TANC1: variants seen among roughly 807,000 people sequenced by gnomAD.
TANC1 encodes protein TANC1.
A neutral mutation model predicts 149.7 loss-of-function variants in TANC1; 77 were observed. The observed-to-expected ratio is 0.51, with a 90% CI of 0.43 to 0.62. The LOEUF is 0.62. TANC1 is among the 20% of genes least tolerant of loss of function. TANC1 has a pLI of 0.00. For synonymous variants in TANC1, 854 were observed against 925.0 expected (o/e 0.92, Z 1.39); for missense variants, 1,985 against 2,321.8 (o/e 0.85, Z 2.98).
At position 159,224,264 on chromosome 2, in the gene TANC1, C is replaced by G. The variant is rs201062715; in HGVS notation, c.3711C>G (p.Ile1237Met). Residue 1237 changes from isoleucine (I) to methionine (M), a missense_variant, in exon 23 of 27, where the codon ATC becomes ATG. Physicochemically the swap from Ile to Met is conservative, Grantham distance 10. Around this residue, in one of 3 missense-constraint regions of TANC1, gnomAD observed 920 missense variants for 994.7 expected, o/e 0.92. Coordinates refer to ENST00000263635, the MANE Select transcript of TANC1 (RefSeq NM_033394.3). ...VLYLVEKGAV[I>M]EHVDHSGMRP... The stretch of plus-strand genomic sequence containing the variant: ...ACCTGGTGGAGAAGGGAGCCGTGAT[C>G]GAGCATGTGGACCACAGCGGGATGC... 1 of 1,614,174 alleles carries G rather than the reference C, an allele frequency of 6.2e-7. No homozygotes were observed. Among genetic ancestry groups the G allele is most frequent in the African/African-American group, 1.3e-5 (1 of 75,038 alleles).
At chr2:159,105,385 C>T (rs556542330) in intron 4 of TANC1, among the ~76,000 whole-genome samples, 26 of 152,220 alleles carry the variant, frequency 1.7e-4, no homozygotes, top group Non-Finnish European at 3.1e-4. Context: ...ATACATATAA[C>T]AAAATTGACC....
chr2:159,081,361 G>T (rs1574522897), intron 3 of TANC1, among the ~76,000 whole-genome samples: 2 of 151,948 alleles, frequency 1.3e-5, no homozygotes, highest in African/African-American at 4.8e-5. Context: ...AGAAGTGCTG[G>T]CTGCTTAGCC....
At chr2:159,206,844 C>T (rs1009555144) in intron 19 of TANC1, among the ~76,000 whole-genome samples, 3 of 152,074 alleles carry the variant, frequency 2.0e-5, no homozygotes, top group African/African-American at 7.2e-5. Flanking sequence ...TAGCCCTTAC[C>T]GAGAGGAGAG....
chr2:159,087,279 C>T (rs967861186), intron 3 of TANC1, among the ~76,000 whole-genome samples: 1 of 152,042 alleles, frequency 6.6e-6, no homozygotes, highest in African/African-American at 2.4e-5. Context: ...GTAGTGGATT[C>T]TGTTTTTTCT....
intron 4 of TANC1, among the ~76,000 whole-genome samples, chr2:159,116,591 G>T (rs551489800): frequency 6.6e-6 from 1 of 152,186 alleles, no homozygotes; most frequent in Non-Finnish European, 1.5e-5. Flanking sequence ...AGTCCCTGTT[G>T]CGACTATGTA....
chr2:159,061,831 T>G (rs1322674495), intron 2 of TANC1, among the ~76,000 whole-genome samples: 1 of 152,214 alleles, frequency 6.6e-6, no homozygotes, highest in East Asian at 1.9e-4. Context: ...CTTAAGTATT[T>G]GAGTTCAACA....
chr2:159,069,711 C>T (rs561623191), intron 3 of TANC1, among the ~76,000 whole-genome samples: 2 of 150,984 alleles, frequency 1.3e-5, no homozygotes, highest in South Asian at 4.2e-4. Context: ...GAAAAAAAGT[C>T]CCATTTTACA....
chr2:159,202,908 G>C (rs547500498), intron 19 of TANC1, among the ~76,000 whole-genome samples: 3,223 of 152,228 alleles, frequency 0.021, 43 homozygotes, highest in Non-Finnish European at 0.034. Flanking sequence ...CTGTGAATCA[G>C]CCCAAGCCGA....
chr2:159,003,613 G>A (rs1455714792), intron 2 of TANC1, among the ~76,000 whole-genome samples: 1 of 152,232 alleles, frequency 6.6e-6, no homozygotes, highest in Non-Finnish European at 1.5e-5. Context: ...AGAAAATAAT[G>A]TTTTCCCTTC....
At chr2:159,067,901 A>C (rs2042805901) in intron 3 of TANC1, among the ~76,000 whole-genome samples, 1 of 152,212 alleles carries the variant, frequency 6.6e-6, no homozygotes, top group African/African-American at 2.4e-5. Context: ...TTGCATTTGA[A>C]ACTTTTCCAG....
intron 19 of TANC1, among the ~76,000 whole-genome samples, chr2:159,211,813 C>T (rs113136392): frequency 3.3e-5 from 5 of 152,268 alleles, no homozygotes; most frequent in African/African-American, 1.2e-4. Flanking sequence ...GTGTGTAGAA[C>T]GTGATCTGTT....
chr2:159,057,630 C>T (rs1433025546), intron 2 of TANC1, among the ~76,000 whole-genome samples: 1 of 152,094 alleles, frequency 6.6e-6, no homozygotes, highest in Non-Finnish European at 1.5e-5. Context: ...TACAATAATT[C>T]CCTTTGAAAA....
Position 159,170,716 on chromosome 2 carries a change from C to T in TANC1, c.1262C>T (p.Thr421Met), listed in dbSNP as rs1018450490. The T allele has an allele frequency of 1.9e-6, 3 of 1,614,148 alleles. No individual in the cohort carries two copies. Among genetic ancestry groups the T allele is most frequent in the Non-Finnish European group, 2.5e-6 (3 of 1,180,022 alleles). ...GTTGGCAATGTGGGATTTGGGAAGA[C>T]GGCAATCATTTCCAAGTTGGTGGCC... ...VVVGNVGFGK[T>M]AIISKLVALS... The change falls in exon 10 of 27, where the codon ACG (threonine) becomes ATG (methionine). Residue 421 changes from threonine to methionine, a missense_variant. By Grantham distance (81) the Thr-to-Met change is moderately conservative. This residue lies in a region of TANC1 where 557 missense variants were observed against 612.9 expected (regional missense o/e 0.91). Transcript: ENST00000263635.
chr2:159,080,016 A>C (rs2044104095), intron 3 of TANC1, among the ~76,000 whole-genome samples: 1 of 152,194 alleles, frequency 6.6e-6, no homozygotes, highest in South Asian at 2.1e-4. Flanking sequence ...TTCCCTAAAA[A>C]CATAGGATTT....
chr2:159,107,704 C>T (rs2047329076), intron 4 of TANC1, among the ~76,000 whole-genome samples: 1 of 152,212 alleles, frequency 6.6e-6, no homozygotes, highest in Non-Finnish European at 1.5e-5. Context: ...AATTCCTATG[C>T]CTAGGTCAGA....
At chr2:159,021,166 C>T (rs1404521191) in intron 2 of TANC1, among the ~76,000 whole-genome samples, 1 of 152,106 alleles carries the variant, frequency 6.6e-6, no homozygotes. Flanking sequence ...ATGATCTGAT[C>T]ATCTTATAGA....
Position 159,178,998 on chromosome 2 carries a change from T to A in TANC1, c.2345T>A (p.Ile782Asn). The A allele has an allele frequency of 6.2e-7, 1 of 1,614,100 alleles. No individual in the cohort carries two copies. The highest frequency in any genetic ancestry group is 8.5e-7 in the Non-Finnish European group (1 of 1,180,022). Residue 782 changes from isoleucine to asparagine, a missense_variant, in exon 14 of 27, where the codon ATC becomes AAC. Ile to Asn is a moderately radical substitution (Grantham distance 149). Around this residue, in one of 3 missense-constraint regions of TANC1, gnomAD observed 508 missense variants for 714.2 expected, o/e 0.71. Transcript: ENST00000263635. ...TTTCAGGCTATTAATGCTGGCCACA[T>A]CCAGGGGGAGCAGGGATGGGAAGAC... ...QIFQAINAGH[I>N]QGEQGWEDFQ... is the part of the protein sequence containing the mutation.
At chr2:159,098,243 G>C (rs2046333858) in intron 4 of TANC1, among the ~76,000 whole-genome samples, 1 of 152,174 alleles carries the variant, frequency 6.6e-6, no homozygotes. Context: ...TCTATGTTTA[G>C]ATATGCAGAT....
chr2:159,149,654 G>A, intron 6 of TANC1: 1 of 228,842 alleles, frequency 4.4e-6, no homozygotes, highest in Non-Finnish European at 8.7e-6. Flanking sequence ...TGAGATTTTG[G>A]AGGGTCAGTG....
Sources: gnomAD v4.1 joint callset for allele counts (sites outside exome capture counted in the v4.1 genomes callset) on GRCh38, gnomAD v4.1.1 for gene constraint, gnomAD v4.1.1 regional missense constraint, MANE v1.5 for transcripts, NCBI Gene and HGNC (gene_info 2026-07-23, HGNC 2026-07-21) for gene names.